The following CDKAL1 variants were observed in gnomAD, a reference collection of about 807,000 sequenced individuals.
The protein encoded by CDKAL1 is CDKAL1 threonylcarbamoyladenosine tRNA methylthiotransferase.
In CDKAL1, 32 loss-of-function variants were observed where a neutral mutation model predicts 68.2. The ratio of observed to expected loss-of-function variants is 0.47; its 90% CI spans 0.35 to 0.63. The LOEUF (loss-of-function observed/expected upper bound fraction) is 0.63. Among genes scored for constraint, CDKAL1 ranks in the 30% least tolerant of loss-of-function variants. The probability of loss-of-function intolerance (pLI) is 0.00; values close to 1 mark genes in which losing one functional copy is unlikely to be tolerated. For missense variants in CDKAL1, 606 were observed against 696.7 expected (o/e 0.87, Z 1.47); for synonymous variants, 234 against 244.3 (o/e 0.96, Z 0.39).
rs184339815 is a variant in CDKAL1, at chr6:21,124,900, C to A, written c.1299+16437C>A. Among the ~76,000 whole-genome samples the A allele has an allele frequency of 2.4e-4, 37 of 152,140 alleles. No individual in the cohort carries two copies. The East Asian group carries it at 6.8e-3, about 28-fold the overall frequency. Reference sequence around the variant, plus strand: ...CTCAGTCACTTACAGGATACAGCCCCAACATGATCCATAAGGCCCTTCCTG... The same window carrying A: ...CTCAGTCACTTACAGGATACAGCCCAAACATGATCCATAAGGCCCTTCCTG... On this transcript the variant is annotated intron_variant, in intron 13 of 15. Transcript: ENST00000274695.
At chr6:20,577,532 C>T (rs778138226) in intron 4 of CDKAL1, among the ~76,000 whole-genome samples, 1 of 152,170 alleles carries the variant, frequency 6.6e-6, no homozygotes, top group Non-Finnish European at 1.5e-5. Flanking sequence ...TGTACTTCAT[C>T]TTTGTATTTT....
chr6:20,957,899 A>T (rs935927973), intron 10 of CDKAL1, among the ~76,000 whole-genome samples: 1 of 149,248 alleles, frequency 6.7e-6, no homozygotes, highest in Non-Finnish European at 1.5e-5. Flanking sequence ...TGAGCCCAAG[A>T]GGCAGAGGTT....
chr6:20,830,623 C>T (rs1777677895), intron 8 of CDKAL1, among the ~76,000 whole-genome samples: 1 of 152,158 alleles, frequency 6.6e-6, no homozygotes, highest in African/African-American at 2.4e-5. Context: ...TCTACCACTG[C>T]ACCCTGCAGG....
chr6:20,806,943 C>G (rs939382297), intron 8 of CDKAL1, among the ~76,000 whole-genome samples: 29 of 152,102 alleles, frequency 1.9e-4, no homozygotes, highest in African/African-American at 6.3e-4. Context: ...ATTTACAAAT[C>G]TGTGAAAATG....
At chr6:20,816,835 C>T (rs1272193369) in intron 8 of CDKAL1, among the ~76,000 whole-genome samples, 4 of 152,064 alleles carry the variant, frequency 2.6e-5, no homozygotes, top group Non-Finnish European at 5.9e-5. Flanking sequence ...TTTACCACCT[C>T]CAGTTTTATT....
chr6:21,008,391 A>G (rs1291914997), intron 11 of CDKAL1, among the ~76,000 whole-genome samples: 7 of 152,136 alleles, frequency 4.6e-5, no homozygotes, highest in Admixed American at 2.0e-4. Flanking sequence ...GTGGCAGGTT[A>G]AAAAGGCAGG....
chr6:20,847,632 A>T (rs1473939645), intron 9 of CDKAL1, among the ~76,000 whole-genome samples: 1 of 152,118 alleles, frequency 6.6e-6, no homozygotes, highest in Non-Finnish European at 1.5e-5. Flanking sequence ...GAAAGTGAAA[A>T]TCTCCTCTTC....
In CDKAL1 at chr6:21,027,508, C is replaced by A. The variant is rs187096282; in HGVS notation, c.1055+27136C>A. ...CAAAATTCATGTTGAAATTTAATTGCCATTTTGATGACATGAAGAGAGAGA... is the reference window on the plus strand; with the variant it reads ...CAAAATTCATGTTGAAATTTAATTGACATTTTGATGACATGAAGAGAGAGA... On this transcript the variant is annotated intron_variant, in intron 11 of 15. Transcript: ENST00000274695. Among the ~76,000 whole-genome samples, 29 of 152,254 alleles carry A rather than the reference C, an allele frequency of 1.9e-4. No homozygotes were observed. In the East Asian group the frequency reaches 4.8e-3, roughly 25 times the overall value.
intron 6 of CDKAL1, among the ~76,000 whole-genome samples, chr6:20,741,407 A>T (rs886926994): frequency 2.0e-5 from 3 of 152,026 alleles, no homozygotes; most frequent in Admixed American, 2.0e-4. Context: ...AGATTATTTT[A>T]TCACCTAGGT....
chr6:20,560,560 A>G (rs1362070587), intron 4 of CDKAL1, among the ~76,000 whole-genome samples: 1 of 152,244 alleles, frequency 6.6e-6, no homozygotes, highest in Non-Finnish European at 1.5e-5. Flanking sequence ...TTTCATACTC[A>G]CTAAAAACTA....
At chr6:20,739,682 T>C in intron 6 of CDKAL1, 67 bp downstream of exon 6, 1 of 814,216 alleles carries the variant, frequency 1.2e-6, no homozygotes, top group Non-Finnish European at 2.0e-6. Flanking sequence ...GCTCCGCATT[T>C]TATTTTCTGT....
chr6:21,216,055 G>C (rs953426452), intron 15 of CDKAL1, among the ~76,000 whole-genome samples: 6 of 152,152 alleles, frequency 3.9e-5, no homozygotes, highest in African/African-American at 1.4e-4. Flanking sequence ...AGCAGGCTGT[G>C]AGCCTAGGGA....
chr6:20,918,483 T>C (rs1258284528), intron 9 of CDKAL1, among the ~76,000 whole-genome samples: 1 of 152,234 alleles, frequency 6.6e-6, no homozygotes, highest in South Asian at 2.1e-4. Context: ...GGGGGCTATA[T>C]TCCAGTAAAC....
intron 13 of CDKAL1, among the ~76,000 whole-genome samples, chr6:21,109,755 T>A (rs575484628): frequency 6.6e-5 from 10 of 151,220 alleles, no homozygotes; most frequent in African/African-American, 2.4e-4. Context: ...TAGTGTTGCA[T>A]TTTTTTTTAG....
intron 2 of CDKAL1, among the ~76,000 whole-genome samples, chr6:20,544,542 G>A (rs1763515514): frequency 1.5e-5 from 2 of 131,326 alleles, no homozygotes; most frequent in African/African-American, 6.0e-5. Flanking sequence ...CTTGCAGTGA[G>A]TCGAGATCGC....
intron 4 of CDKAL1, among the ~76,000 whole-genome samples, chr6:20,557,282 T>A (rs534425146): frequency 7.9e-5 from 12 of 151,990 alleles, no homozygotes; most frequent in Admixed American, 2.6e-4. Flanking sequence ...GTTGTTAATA[T>A]CTTAAGGTTC....
intron 11 of CDKAL1, among the ~76,000 whole-genome samples, chr6:21,035,360 T>A (rs750459797): frequency 1.3e-5 from 2 of 152,128 alleles, no homozygotes; most frequent in Non-Finnish European, 2.9e-5. Context: ...TCTCCTACCC[T>A]GCTGGGGATC....
chr6:20,718,930 C>T (rs1772217482), intron 5 of CDKAL1, among the ~76,000 whole-genome samples: 1 of 152,124 alleles, frequency 6.6e-6, no homozygotes, highest in Admixed American at 6.6e-5. Flanking sequence ...AAATATTTCC[C>T]ATCACAATAA....
chr6:20,941,113 A>G (rs1763955096), intron 9 of CDKAL1, among the ~76,000 whole-genome samples: 1 of 150,598 alleles, frequency 6.6e-6, no homozygotes, highest in East Asian at 2.0e-4. Flanking sequence ...AAAAAAAAGC[A>G]CATCTTAGTT....
Sources: gnomAD v4.1 joint callset for allele counts (sites outside exome capture counted in the v4.1 genomes callset) on GRCh38, gnomAD v4.1.1 for gene constraint, MANE v1.5 for transcripts, NCBI Gene and HGNC (gene_info 2026-07-23, HGNC 2026-07-21) for gene names.